The following BRD3 variants were observed in gnomAD, a reference collection of about 807,000 sequenced individuals.
BRD3 encodes the protein bromodomain containing 3, also known as bromodomain-containing protein 3.
Under a neutral mutation model 66.8 loss-of-function variants are expected in BRD3, and 17 were observed. That is an observed-to-expected ratio of 0.25 (90% CI 0.17 to 0.38). The LOEUF (loss-of-function observed/expected upper bound fraction) is 0.38. Ranked by LOEUF, BRD3 falls within the 10% of genes least tolerant of loss-of-function variation. BRD3 has a pLI of 1.00. For synonymous variants in BRD3, 421 were observed against 393.2 expected, an observed-to-expected ratio of 1.07 and a Z score of -0.84; for missense variants, 713 against 956.1, an observed-to-expected ratio of 0.75 and a Z score of 3.35.
At chr9:134,065,590 C>T (rs1390970724) in intron 1 of BRD3, among the ~76,000 whole-genome samples, 1 of 152,322 alleles carries the variant, frequency 6.6e-6, no homozygotes, top group African/African-American at 2.4e-5. Context: ...TCAGGCATGC[C>T]CCCACCTCCC....
At chr9:134,041,691 G>T in intron 8 of BRD3, 69 bp downstream of exon 8, 1 of 1,542,646 alleles carries the variant, frequency 6.5e-7, no homozygotes, top group Non-Finnish European at 8.7e-7. Flanking sequence ...CAAAGGGACG[G>T]ACCTTGGGCT....
chr9:134,065,110 C>G (rs556459016), intron 1 of BRD3, among the ~76,000 whole-genome samples: 1 of 152,198 alleles, frequency 6.6e-6, no homozygotes, highest in Non-Finnish European at 1.5e-5. Context: ...TAGCTTCAAC[C>G]AGATACTGGC....
At chr9:134,041,995 G>A (rs923425849) in intron 7 of BRD3, 44 bp from the exon 8 acceptor site, 1 of 1,505,698 alleles carries the variant, frequency 6.6e-7, no homozygotes, top group Non-Finnish European at 8.9e-7. Flanking sequence ...GGTGCCCATG[G>A]GGCTGCCCCT....
chr9:134,047,962 G>T, intron 6 of BRD3, 121 bp downstream of exon 6: 1 of 1,342,992 alleles, frequency 7.4e-7, no homozygotes, highest in Non-Finnish European at 9.8e-7. Flanking sequence ...TGGAGGGTGC[G>T]CTTCTCCGGC....
Position 134,053,413 on chromosome 9 carries a change from G to C in BRD3, c.65C>G (p.Pro22Arg), listed in dbSNP as rs1024952396. The C allele has an allele frequency of 3.7e-6, 6 of 1,610,970 alleles. No homozygotes were observed. Among genetic ancestry groups the C allele is most frequent in the Non-Finnish European group, 4.2e-6 (5 of 1,178,446 alleles). Reference protein sequence around the residue: ...IPATPGPVNPPPPEVSNPSKP... With the variant: ...IPATPGPVNPRPPEVSNPSKP... ...GCTGGGGTTGGAGACCTCCGGGGGGGGTGGGTTCACAGGGCCCGGGGTCGC... is the reference window on the plus strand; with the variant it reads ...GCTGGGGTTGGAGACCTCCGGGGGGCGTGGGTTCACAGGGCCCGGGGTCGC... The change falls in exon 2 of 12, where the codon CCC becomes CGC. Residue 22 changes from proline to arginine, a missense_variant. Around this residue, in one of 5 missense-constraint regions of BRD3, gnomAD observed 48 missense variants for 42.5 expected, o/e 1.13. Coordinates refer to ENST00000303407, the MANE Select transcript of BRD3 (RefSeq NM_007371.4).
rs1202668484 is a variant in BRD3, at chr9:134,030,912, T to C, written c.*2678A>G. On this transcript the variant is annotated 3_prime_UTR_variant, in exon 12 of 12. Coordinates refer to ENST00000303407, the MANE Select transcript of BRD3 (RefSeq NM_007371.4). The stretch of plus-strand genomic sequence containing the variant: ...CTCCTCTCCCCTTGAAAAAAGCATG[T>C]TAGAAGCTGCCCTACAGGTCTCAGC... 1 of 231,268 alleles carries C rather than the reference T, an allele frequency of 4.3e-6. No individual in the cohort carries two copies. The highest frequency in any genetic ancestry group is 5.6e-5 in the Admixed American group (1 of 17,708). 14.3% of individuals were successfully genotyped at this position (231,268 alleles called of 1,614,324 possible).
Position 134,048,280 on chromosome 9 carries a change from C to T in BRD3, c.889G>A (p.Glu297Lys), listed in dbSNP as rs531283531. 6 of 1,606,804 alleles carry T rather than the reference C, an allele frequency of 3.7e-6. No homozygotes were observed. Among genetic ancestry groups the T allele is most frequent in the African/African-American group, 2.7e-5 (2 of 75,032 alleles). Residue 297 changes from glutamate to lysine, a missense_variant, in exon 6 of 12, where the codon GAG (glutamate) becomes AAG (lysine). Around this residue, in one of 5 missense-constraint regions of BRD3, gnomAD observed 418 missense variants for 609.3 expected, o/e 0.69. Transcript: ENST00000303407. ...TTCTTGCCTGCGTGCTGGGGCACCT[C>T]GCCGTCCTCCAGGTCCTTCTTGGGA... is the stretch of plus-strand genomic sequence containing the variant. ...KPPKKDLEDGEVPQHAGKKGK... is the reference protein window; with the variant it reads ...KPPKKDLEDGKVPQHAGKKGK...
intron 7 of BRD3, among the ~76,000 whole-genome samples, chr9:134,042,982 G>A (rs1411152258): frequency 6.6e-6 from 1 of 152,102 alleles, no homozygotes; most frequent in Non-Finnish European, 1.5e-5. Flanking sequence ...TGGGATCACA[G>A]GCATGCGCCA....
chr9:134,042,355 G>T (rs1198903069), intron 7 of BRD3, among the ~76,000 whole-genome samples: 2 of 152,186 alleles, frequency 1.3e-5, no homozygotes, highest in African/African-American at 4.8e-5. Flanking sequence ...GTCCAAGAGT[G>T]TTGACCTCTT....
intron 1 of BRD3, among the ~76,000 whole-genome samples, chr9:134,067,588 A>G (rs1830693499): frequency 6.8e-6 from 1 of 146,328 alleles, no homozygotes; most frequent in South Asian, 2.1e-4. Flanking sequence ...GGGCGCGCGG[A>G]GGCCGGGCTG....
Position 134,032,128 on chromosome 9 carries a change from T to C in BRD3, c.*1462A>G, listed in dbSNP as rs1843519934. 4.6e-6 allele frequency: 1 copy of C among 217,872 alleles called. No homozygotes were observed. The highest frequency in any genetic ancestry group is 9.2e-6 in the Non-Finnish European group (1 of 108,260). 13.5% of individuals were successfully genotyped at this position (217,872 alleles called of 1,614,324 possible). A position where few individuals can be genotyped will look rare whatever the true frequency, so the allele number is the denominator to read the frequency against. The stretch of plus-strand genomic sequence containing the variant: ...CCGCCATGCTCATTGGTGGGCCAGT[T>C]TGGGACATCCCCGTACTCAAAGACC... On this transcript the variant is annotated 3_prime_UTR_variant, in exon 12 of 12. Transcript: ENST00000303407.
At chr9:134,060,502 G>A (rs1830514096) in intron 1 of BRD3, among the ~76,000 whole-genome samples, 1 of 152,066 alleles carries the variant, frequency 6.6e-6, no homozygotes, top group Admixed American at 6.6e-5. Flanking sequence ...TGAGGTGGGA[G>A]GATCACTTGA....
chr9:134,061,693 A>T (rs1289167696), intron 1 of BRD3, among the ~76,000 whole-genome samples: 1 of 152,186 alleles, frequency 6.6e-6, no homozygotes. Flanking sequence ...GATGAGCCCC[A>T]TCTTCCATAA....
At chr9:134,062,852 G>A (rs1197160823) in intron 1 of BRD3, among the ~76,000 whole-genome samples, 1 of 152,206 alleles carries the variant, frequency 6.6e-6, no homozygotes, top group Non-Finnish European at 1.5e-5. Context: ...TCTTCAGAGG[G>A]GCAGTGAGTG....
chr9:134,047,881 G>C (rs1170372416), intron 6 of BRD3: 1 of 626,906 alleles, frequency 1.6e-6, no homozygotes, highest in South Asian at 2.6e-5. Context: ...CACAGACTCC[G>C]GGACCCACAG....
chr9:134,039,109 AAAG>A (rs1052434878), intron 9 of BRD3, among the ~76,000 whole-genome samples: 1 of 152,022 alleles, frequency 6.6e-6, no homozygotes, highest in African/African-American at 2.4e-5. Context: ...GCCGCCTCCC[AAAG>A]TAGTCTATCT....
intron 10 of BRD3, among the ~76,000 whole-genome samples, chr9:134,035,289 G>T (rs1843582458): frequency 6.6e-6 from 1 of 152,150 alleles, no homozygotes; most frequent in Admixed American, 6.5e-5. Context: ...GACTTACCGT[G>T]GGTCAGACGC....
chr9:134,048,559 C>T, intron 5 of BRD3, 105 bp from the exon 6 acceptor site: 2 of 1,536,712 alleles, frequency 1.3e-6, no homozygotes, highest in South Asian at 1.2e-5. Context: ...TGGCGCTGGG[C>T]TAAGCGGCCA....
At position 134,045,539 on chromosome 9, in the gene BRD3, C is replaced by G. The variant is rs879136019; in HGVS notation, c.1087-118G>C. The G allele has an allele frequency of 9.7e-5, 141 of 1,448,308 alleles. 2 individuals are homozygous for G. The South Asian group carries it at 1.6e-3, about 16-fold the overall frequency. The allele number at this position is 1,448,308 out of a possible 1,614,324, so 89.7% of individuals were successfully genotyped here. A position where few individuals can be genotyped will look rare whatever the true frequency, so the allele number is the denominator to read the frequency against. ...GCCACTGCCAGCTCCAGGGCAGTGC[C>G]TACTGGCCTGGCCGGCAGGACACCC... On this transcript the variant is annotated intron_variant, in intron 6 of 11. Transcript: ENST00000303407. This position sits in a 1 kb window ranked among gnomAD's most constrained non-coding sequence, Gnocchi z 4.8.
Sources: gnomAD v4.1 joint callset for allele counts (sites outside exome capture counted in the v4.1 genomes callset) on GRCh38, gnomAD v4.1.1 for gene constraint, gnomAD v4.1.1 regional missense constraint, Gnocchi (gnomAD v3.1) non-coding constraint, MANE v1.5 for transcripts, NCBI Gene and HGNC (gene_info 2026-07-23, HGNC 2026-07-21) for gene names.